ARHGAP26: variants seen among roughly 807,000 people sequenced by gnomAD.
The protein encoded by ARHGAP26 is rho GTPase-activating protein 26.
ARHGAP26 carries 38 observed loss-of-function variants against 104.8 expected under a neutral mutation model. The ratio of observed to expected loss-of-function variants is 0.36; its 90% CI spans 0.28 to 0.48. ARHGAP26 has a LOEUF of 0.48. Ranked by LOEUF, ARHGAP26 falls within the 20% of genes least tolerant of loss-of-function variation. The pLI is 0.99. For synonymous variants in ARHGAP26, 341 were observed against 340.0 expected (o/e 1.00, Z -0.03); for missense variants, 704 against 947.9 (o/e 0.74, Z 3.38).
At chr5:142,868,565 G>A (rs750304772) in intron 1 of ARHGAP26, among the ~76,000 whole-genome samples, 6 of 152,162 alleles carry the variant, frequency 3.9e-5, no homozygotes, top group Admixed American at 1.3e-4. Flanking sequence ...ATTGAGATGT[G>A]CTTAGGAGAC....
chr5:142,993,357 G>A (rs1775928914), intron 11 of ARHGAP26, among the ~76,000 whole-genome samples: 1 of 151,956 alleles, frequency 6.6e-6, no homozygotes, highest in Non-Finnish European at 1.5e-5. Flanking sequence ...TTTTAGTAGA[G>A]ATGGGGTTTC....
intron 20 of ARHGAP26, among the ~76,000 whole-genome samples, chr5:143,175,410 GCTAT>G (rs1288667465): frequency 6.6e-5 from 10 of 152,182 alleles, no homozygotes; most frequent in South Asian, 2.1e-4. Context: ...ACAGAGAAAG[GCTAT>G]CTGTCAGACC....
At chr5:142,943,116 T>C (rs779535398) in intron 11 of ARHGAP26, among the ~76,000 whole-genome samples, 7 of 152,174 alleles carry the variant, frequency 4.6e-5, no homozygotes, top group Non-Finnish European at 1.0e-4. Flanking sequence ...AACACGTGTG[T>C]TGTTTTTTTG....
intron 17 of ARHGAP26, 118 bp from the exon 18 acceptor site, chr5:143,120,870 G>A (rs1489758648): frequency 2.0e-6 from 2 of 1,007,790 alleles, no homozygotes; most frequent in African/African-American, 3.3e-5. Context: ...GATGACCCAA[G>A]TTCTGGCTCC....
At chr5:142,980,184 G>T (rs75796156) in intron 11 of ARHGAP26, among the ~76,000 whole-genome samples, 4,006 of 152,126 alleles carry the variant, frequency 0.026, 83 homozygotes, top group Middle Eastern at 0.051. Flanking sequence ...CTCCTTTTAT[G>T]CAGTATAATA....
At chr5:143,049,834 C>T (rs1482530629) in intron 14 of ARHGAP26, among the ~76,000 whole-genome samples, 4 of 152,098 alleles carry the variant, frequency 2.6e-5, no homozygotes, top group Admixed American at 1.3e-4. Flanking sequence ...TGGGAGAAGC[C>T]GGATTTACTC....
At chr5:142,788,591 G>T (rs1176829189) in intron 1 of ARHGAP26, among the ~76,000 whole-genome samples, 1 of 152,180 alleles carries the variant, frequency 6.6e-6, no homozygotes, top group African/African-American at 2.4e-5. Flanking sequence ...AACATGTTCA[G>T]ATGTTTTTTC....
At chr5:143,057,049 T>C (rs562474452) in intron 16 of ARHGAP26, among the ~76,000 whole-genome samples, 2 of 152,306 alleles carry the variant, frequency 1.3e-5, no homozygotes, top group South Asian at 4.1e-4. Flanking sequence ...CAAAGCCACT[T>C]ACCTTGGTTC....
chr5:142,892,123 T>C (rs1159132889), intron 5 of ARHGAP26, among the ~76,000 whole-genome samples: 1 of 151,986 alleles, frequency 6.6e-6, no homozygotes, highest in African/African-American at 2.4e-5. Context: ...GTTGTTCTTA[T>C]CACAAAGGAA....
At chr5:143,146,409 C>G (rs1799162465) in intron 19 of ARHGAP26, among the ~76,000 whole-genome samples, 2 of 152,172 alleles carry the variant, frequency 1.3e-5, no homozygotes, top group African/African-American at 4.8e-5. Flanking sequence ...AGTTCTTGTT[C>G]TCCCCATTTT....
intron 22 of ARHGAP26, 68 bp downstream of exon 22, chr5:143,214,156 G>A: frequency 1.1e-6 from 1 of 897,716 alleles, no homozygotes; most frequent in South Asian, 1.5e-5. Context: ...ATAAATAACT[G>A]GCATTTTCAA....
chr5:142,947,797 G>A (rs954499472), intron 11 of ARHGAP26, among the ~76,000 whole-genome samples: 2 of 152,154 alleles, frequency 1.3e-5, no homozygotes, highest in African/African-American at 4.8e-5. Flanking sequence ...TATAATCCCA[G>A]AACCTAGAAC....
chr5:142,812,097 C>T (rs1402171868), intron 1 of ARHGAP26, among the ~76,000 whole-genome samples: 1 of 152,132 alleles, frequency 6.6e-6, no homozygotes, highest in Non-Finnish European at 1.5e-5. Context: ...CCTCCCCACC[C>T]CGTCTACTGC....
chr5:143,134,009 C>T lies in ARHGAP26; in HGVS notation c.1741C>T (p.Leu581=). The T allele has an allele frequency of 6.2e-7, 1 of 1,613,192 alleles. No individual in the cohort carries two copies. The highest frequency in any genetic ancestry group is 1.3e-5 in the African/African-American group (1 of 75,026). The change falls in exon 19 of 23, where the codon CTG becomes TTG. Residue 581 remains leucine (L), a synonymous_variant. Coordinates refer to ENST00000645722, the MANE Select transcript of ARHGAP26 (RefSeq NM_001135608.3). ...CGATATGCCTCTCACCAATGCCCAG[C>T]TGCACCTGTCTCGGAAGAAGAGCAG... is the stretch of plus-strand genomic sequence containing the variant. ...VPDMPLTNAQ[L]HLSRKKSSDS...
intron 20 of ARHGAP26, among the ~76,000 whole-genome samples, chr5:143,196,570 A>G (rs1343547761): frequency 1.3e-5 from 2 of 152,210 alleles, no homozygotes; most frequent in Non-Finnish European, 2.9e-5. Context: ...GACCAGCAGC[A>G]CTGTTAACTC....
At chr5:142,823,785 T>C (rs1766676707) in intron 1 of ARHGAP26, among the ~76,000 whole-genome samples, 1 of 152,216 alleles carries the variant, frequency 6.6e-6, no homozygotes, top group African/African-American at 2.4e-5. Context: ...TTTTGACAGA[T>C]TATAGCTTGC....
chr5:143,216,609 T>C (rs922401136), intron 22 of ARHGAP26: 1 of 254,474 alleles, frequency 3.9e-6, no homozygotes, highest in Non-Finnish European at 7.9e-6. Flanking sequence ...CCTATAGGTA[T>C]TGTTGAGAGC....
intron 17 of ARHGAP26, among the ~76,000 whole-genome samples, chr5:143,063,909 A>G (rs2150337065): frequency 6.6e-6 from 1 of 152,238 alleles, no homozygotes; most frequent in East Asian, 1.9e-4. Flanking sequence ...CCAGGTATGT[A>G]TCTCTCCCTC....
At chr5:142,833,839 C>G (rs1256192377) in intron 1 of ARHGAP26, among the ~76,000 whole-genome samples, 1 of 152,134 alleles carries the variant, frequency 6.6e-6, no homozygotes, top group Non-Finnish European at 1.5e-5. Flanking sequence ...AGTAATTTAC[C>G]TCGTCTTTCT....
Sources: allele counts gnomAD v4.1 joint callset (sites outside exome capture counted in the v4.1 genomes callset), GRCh38; gene constraint gnomAD v4.1.1; transcripts MANE v1.5; gene names NCBI Gene and HGNC (gene_info 2026-07-23, HGNC 2026-07-21).